The following RPRD1A variants were observed in gnomAD, a reference collection of about 807,000 sequenced individuals.
RPRD1A encodes the protein regulation of nuclear pre-mRNA domain containing 1A.
In RPRD1A, 9 loss-of-function variants were observed where a neutral mutation model predicts 37.8. That is an observed-to-expected ratio of 0.24 (90% CI 0.14 to 0.42). The LOEUF (loss-of-function observed/expected upper bound fraction) is 0.42. Among genes scored for constraint, RPRD1A ranks in the 10% least tolerant of loss-of-function variants. The pLI, the probability that RPRD1A is intolerant of heterozygous loss-of-function variation, is 1.00. For missense variants in RPRD1A, 255 were observed against 371.0 expected (o/e 0.69, Z 2.57); for synonymous variants, 138 against 139.7 (o/e 0.99, Z 0.08).
chr18:36,011,085 A>G (rs1910150013), intron 6 of RPRD1A, among the ~76,000 whole-genome samples: 1 of 152,230 alleles, frequency 6.6e-6, no homozygotes, highest in Non-Finnish European at 1.5e-5. Context: ...TGCTAGCTAG[A>G]AAATCTCCAA....
intron 6 of RPRD1A, among the ~76,000 whole-genome samples, chr18:35,997,369 A>T (rs537221623): frequency 1.6e-4 from 25 of 152,308 alleles, no homozygotes; most frequent in African/African-American, 5.3e-4. Flanking sequence ...TACACTTTTT[A>T]AAAAAACTGA....
intron 1 of RPRD1A, among the ~76,000 whole-genome samples, chr18:36,051,284 G>A (rs544350264): frequency 1.4e-4 from 21 of 152,160 alleles, no homozygotes; most frequent in African/African-American, 4.8e-4. Flanking sequence ...TGACCTTTTG[G>A]ACCCATATAA....
At chr18:36,045,962 T>G (rs1912924011) in intron 1 of RPRD1A, among the ~76,000 whole-genome samples, 1 of 152,230 alleles carries the variant, frequency 6.6e-6, no homozygotes, top group Admixed American at 6.5e-5. Context: ...AGACTAACTA[T>G]ACAGACATTT....
At chr18:36,066,344 A>G (rs2089031016) in intron 1 of RPRD1A, among the ~76,000 whole-genome samples, 1 of 152,252 alleles carries the variant, frequency 6.6e-6, no homozygotes, top group South Asian at 2.1e-4. Context: ...ATTTTGATTA[A>G]TAACGGTTAA....
intron 6 of RPRD1A, among the ~76,000 whole-genome samples, chr18:36,003,999 ACTTT>A (rs1909582398): frequency 8.5e-6 from 1 of 118,136 alleles, no homozygotes; most frequent in African/African-American, 3.5e-5. Context: ...ACAGACACAG[ACTTT>A]TTTTTTTTTT....
intron 6 of RPRD1A, among the ~76,000 whole-genome samples, chr18:36,001,510 T>C (rs1263914995): frequency 6.6e-6 from 1 of 152,212 alleles, no homozygotes; most frequent in Non-Finnish European, 1.5e-5. Context: ...GTCATAAATG[T>C]CATCTAATCT....
rs1358091497 is a variant in RPRD1A, at chr18:35,992,367, T to C, written c.*784A>G. The C allele has an allele frequency of 6.6e-6, 1 of 152,210 alleles. No homozygotes were observed. The highest frequency in any genetic ancestry group is 6.5e-5 in the Admixed American group (1 of 15,284). 9.4% of individuals were successfully genotyped at this position (152,210 alleles called of 1,614,324 possible). On this transcript the variant is annotated 3_prime_UTR_variant, in exon 7 of 7. Coordinates refer to ENST00000399022, the MANE Select transcript of RPRD1A (RefSeq NM_018170.5). ...GTTAAAAGGAAACTGATTTGACAAA[T>C]AGAAACCAGTTCCAGAACCAAAGTT...
chr18:36,051,469 T>C (rs1168780352), intron 1 of RPRD1A, among the ~76,000 whole-genome samples: 4 of 152,176 alleles, frequency 2.6e-5, no homozygotes, highest in Non-Finnish European at 1.5e-5. Context: ...ATTATTTGGC[T>C]CAAGATACCA....
chr18:36,013,303 T>C (rs927300073), intron 6 of RPRD1A, among the ~76,000 whole-genome samples: 23 of 151,634 alleles, frequency 1.5e-4, no homozygotes, highest in African/African-American at 5.6e-4. Flanking sequence ...TAACAAAAAA[T>C]GGCAACAACA....
intron 1 of RPRD1A, among the ~76,000 whole-genome samples, chr18:36,042,332 T>C (rs1912639530): frequency 6.6e-6 from 1 of 152,200 alleles, no homozygotes; most frequent in Non-Finnish European, 1.5e-5. Flanking sequence ...TAAGTTCCAT[T>C]GAGAGCAATG....
At chr18:36,066,251 A>G (rs1420453767) in intron 1 of RPRD1A, among the ~76,000 whole-genome samples, 1 of 152,234 alleles carries the variant, frequency 6.6e-6, no homozygotes, top group Non-Finnish European at 1.5e-5. Context: ...TCTCCATTAT[A>G]TACAGCCAAC....
intron 6 of RPRD1A, among the ~76,000 whole-genome samples, chr18:35,997,741 T>A (rs1018969410): frequency 2.6e-5 from 4 of 152,198 alleles, no homozygotes; most frequent in Non-Finnish European, 5.9e-5. Flanking sequence ...GGGCACAACA[T>A]AAAACTCATA....
At chr18:36,025,715 A>T (rs1339344655) in intron 6 of RPRD1A, 2 of 1,141,844 alleles carry the variant, frequency 1.8e-6, no homozygotes, top group East Asian at 1.2e-4. Context: ...AAGAAACCAT[A>T]CTAAAAGACT....
chr18:36,023,138 A>G (rs1378321319), intron 6 of RPRD1A, among the ~76,000 whole-genome samples: 1 of 152,256 alleles, frequency 6.6e-6, no homozygotes, highest in Non-Finnish European at 1.5e-5. Flanking sequence ...TCGTAAGGCT[A>G]TATAGCTGCC....
chr18:36,008,457 T>A (rs1909900800), intron 6 of RPRD1A, among the ~76,000 whole-genome samples: 1 of 150,804 alleles, frequency 6.6e-6, no homozygotes, highest in Admixed American at 6.6e-5. Flanking sequence ...GCATCTGTAG[T>A]CCCAGTTATT....
intron 6 of RPRD1A, among the ~76,000 whole-genome samples, chr18:36,005,714 T>C (rs779404867): frequency 3.3e-5 from 5 of 152,228 alleles, no homozygotes; most frequent in South Asian, 2.1e-4. Flanking sequence ...TTCAAGTTCA[T>C]AGAGTAACTT....
chr18:36,057,194 C>A (rs777475055), intron 1 of RPRD1A, among the ~76,000 whole-genome samples: 3 of 151,604 alleles, frequency 2.0e-5, no homozygotes, highest in Non-Finnish European at 4.4e-5. Context: ...CCAGCCTGGG[C>A]AACAGAGCCA....
intron 1 of RPRD1A, among the ~76,000 whole-genome samples, chr18:36,051,340 T>C (rs1339662220): frequency 1.3e-5 from 2 of 152,162 alleles, no homozygotes; most frequent in Admixed American, 6.5e-5. Flanking sequence ...GTTGACCATA[T>C]TTTAAAGACT....
At chr18:36,033,309 A>G (rs1460749961) in intron 2 of RPRD1A, among the ~76,000 whole-genome samples, 1 of 149,840 alleles carries the variant, frequency 6.7e-6, no homozygotes, top group Non-Finnish European at 1.5e-5. Context: ...CAAAAAAAAA[A>G]AAAAAAAAAA....
Sources: gnomAD v4.1 joint callset for allele counts (sites outside exome capture counted in the v4.1 genomes callset) on GRCh38, gnomAD v4.1.1 for gene constraint, MANE v1.5 for transcripts, NCBI Gene and HGNC (gene_info 2026-07-23, HGNC 2026-07-21) for gene names.